Variants in LRRN2 observed in about 807,000 individuals in gnomAD.
LRRN2 encodes leucine-rich repeat neuronal protein 2.
In LRRN2, 10 loss-of-function variants were observed where a neutral mutation model predicts 35.7. The ratio of observed to expected loss-of-function variants is 0.28; its 90% CI spans 0.17 to 0.47. The LOEUF (loss-of-function observed/expected upper bound fraction) is 0.47, where lower values mean the gene tolerates loss of function less well. Among genes scored for constraint, LRRN2 ranks in the 20% least tolerant of loss-of-function variants. LRRN2 has a pLI of 0.99. For synonymous variants in LRRN2, 391 were observed against 409.6 expected (o/e 0.95, Z 0.55); for missense variants, 731 against 940.3 (o/e 0.78, Z 2.91).
At chr1:204,670,930 AGT>A (rs1668696631) in intron 1 of LRRN2, among the ~76,000 whole-genome samples, 1 of 152,164 alleles carries the variant, frequency 6.6e-6, no homozygotes, top group South Asian at 2.1e-4. Flanking sequence ...GAAGAGAGAC[AGT>A]GTGGTGGCAG....
chr1:204,653,685 ACT>A (rs1668281626), intron 1 of LRRN2, among the ~76,000 whole-genome samples: 1 of 151,614 alleles, frequency 6.6e-6, no homozygotes, highest in Non-Finnish European at 1.5e-5. Context: ...ACATAGTGAG[ACT>A]CTGTCTCCAC....
intron 1 of LRRN2, among the ~76,000 whole-genome samples, chr1:204,680,815 C>T (rs745329590): frequency 6.6e-6 from 1 of 152,128 alleles, no homozygotes; most frequent in Non-Finnish European, 1.5e-5. Context: ...TTTTCATGCA[C>T]GATACCTGTG....
rs1320498910 is a variant in LRRN2, at chr1:204,651,951, G to A, written c.-226-31733C>T. 3.3e-5 allele frequency among the ~76,000 whole-genome samples: 5 copies of A among 152,248 alleles called. No homozygotes were observed. In the East Asian group the frequency reaches 7.7e-4, roughly 24 times the overall value. ...CCTGGCCCAACTCCCTTCCCCAGCC[G>A]GCCCCTGCCAGGGCCCAGGTGTCTC... On this transcript the variant is annotated intron_variant, in intron 1 of 1. Transcript: ENST00000367177.
At chr1:204,677,673 G>C (rs1448884350) in intron 1 of LRRN2, among the ~76,000 whole-genome samples, 1 of 152,156 alleles carries the variant, frequency 6.6e-6, no homozygotes, top group Non-Finnish European at 1.5e-5. Flanking sequence ...AGTGAACTAA[G>C]AGGCCGAGAT....
intron 1 of LRRN2, among the ~76,000 whole-genome samples, chr1:204,669,714 G>A (rs1668666176): frequency 6.7e-6 from 1 of 148,206 alleles, no homozygotes; most frequent in Non-Finnish European, 1.5e-5. Context: ...ACGTGTGAAG[G>A]CCATGAGGCC....
intron 1 of LRRN2, among the ~76,000 whole-genome samples, chr1:204,682,454 A>C (rs188894739): frequency 1.1e-4 from 16 of 152,344 alleles, no homozygotes; most frequent in Admixed American, 9.8e-4. Context: ...CAGATGTCAC[A>C]GATATCATAG....
intron 1 of LRRN2, among the ~76,000 whole-genome samples, chr1:204,678,647 T>C (rs1053794693): frequency 2.6e-5 from 4 of 151,912 alleles, no homozygotes; most frequent in African/African-American, 9.7e-5. Context: ...CGCCTCTGAC[T>C]CTCCAGGCAC....
intron 1 of LRRN2, among the ~76,000 whole-genome samples, chr1:204,630,445 A>T (rs1255515600): frequency 6.6e-6 from 1 of 152,200 alleles, no homozygotes; most frequent in South Asian, 2.1e-4. Flanking sequence ...AAATAAAATC[A>T]GAATGAAAAT....
At position 204,618,640 on chromosome 1, in the gene LRRN2, G is replaced by A. The variant is rs377051068; in HGVS notation, c.1353C>T (p.Pro451=). Residue 451 remains proline, a synonymous_variant, in exon 2 of 2, where the codon CCC becomes CCT. Transcript: ENST00000367177. ...GAGTGACCCAGTAGATCTCGGGTTCGGGTTCGGCCAGTGCCCGGCAATGCA... is the reference window on the plus strand; with the variant it reads ...GAGTGACCCAGTAGATCTCGGGTTCAGGTTCGGCCAGTGCCCGGCAATGCA... ...MVLHCRALAE[P]EPEIYWVTPA... is the part of the protein sequence containing the mutation. 44 of 1,611,180 alleles carry A rather than the reference G, an allele frequency of 2.7e-5. No homozygotes were observed. The Admixed American group carries it at 3.8e-4, about 14-fold the overall frequency.
intron 1 of LRRN2, among the ~76,000 whole-genome samples, chr1:204,677,613 G>A (rs1019731627): frequency 6.6e-6 from 1 of 152,194 alleles, no homozygotes; most frequent in Non-Finnish European, 1.5e-5. Flanking sequence ...TGCAGCCTGG[G>A]TAGATACATG....
intron 1 of LRRN2, among the ~76,000 whole-genome samples, 168 bp downstream of exon 1, chr1:204,685,152 C>T (rs1033910466): frequency 6.6e-6 from 1 of 152,232 alleles, no homozygotes; most frequent in Admixed American, 6.5e-5. Flanking sequence ...CTCTGGCCCC[C>T]ACCCGGGTCA....
intron 1 of LRRN2, among the ~76,000 whole-genome samples, chr1:204,651,602 C>T (rs1668226115): frequency 2.0e-5 from 3 of 152,182 alleles, no homozygotes; most frequent in Middle Eastern, 3.4e-3. Flanking sequence ...TCCTGCATCC[C>T]CCCAAAACCC....
At chr1:204,665,101 C>T (rs16830327) in intron 1 of LRRN2, among the ~76,000 whole-genome samples, 2,593 of 152,186 alleles carry the variant, frequency 0.017, 74 homozygotes, top group African/African-American at 0.055. Context: ...AGGTGAGGTT[C>T]CATTCTCTTT....
intron 1 of LRRN2, among the ~76,000 whole-genome samples, chr1:204,654,408 G>C (rs144876617): frequency 1.3e-5 from 2 of 152,316 alleles, no homozygotes; most frequent in East Asian, 3.9e-4. Context: ...CTATTTATTA[G>C]CTGTGTGACT....
At chr1:204,638,042 G>C (rs1379761321) in intron 1 of LRRN2, among the ~76,000 whole-genome samples, 1 of 151,946 alleles carries the variant, frequency 6.6e-6, no homozygotes, top group Non-Finnish European at 1.5e-5. Flanking sequence ...TCTCCCTCCC[G>C]CCTCGTGAAA....
At chr1:204,631,744 C>T (rs903135036) in intron 1 of LRRN2, among the ~76,000 whole-genome samples, 3 of 151,982 alleles carry the variant, frequency 2.0e-5, no homozygotes, top group Admixed American at 1.3e-4. Flanking sequence ...GCCAGTAATG[C>T]ATAGATAGGA....
At chr1:204,640,976 C>G (rs899316889) in intron 1 of LRRN2, among the ~76,000 whole-genome samples, 3 of 149,806 alleles carry the variant, frequency 2.0e-5, no homozygotes, top group Non-Finnish European at 3.0e-5. Flanking sequence ...GTTCTAATAA[C>G]AGCTCTAGCA....
intron 1 of LRRN2, among the ~76,000 whole-genome samples, chr1:204,660,385 T>C (rs1224735568): frequency 1.3e-5 from 2 of 152,166 alleles, no homozygotes; most frequent in Non-Finnish European, 2.9e-5. Flanking sequence ...TAAGGGCAGG[T>C]CTTGTTTATC....
intron 1 of LRRN2, among the ~76,000 whole-genome samples, chr1:204,669,317 C>T (rs915463338): frequency 1.3e-5 from 2 of 152,178 alleles, no homozygotes; most frequent in Admixed American, 6.5e-5. Flanking sequence ...GCTTTCCTTT[C>T]GGACTTTTTC....
Sources: gnomAD v4.1 joint callset for allele counts (sites outside exome capture counted in the v4.1 genomes callset) on GRCh38, gnomAD v4.1.1 for gene constraint, MANE v1.5 for transcripts, NCBI Gene and HGNC (gene_info 2026-07-23, HGNC 2026-07-21) for gene names.